The following AK7 variants were observed in gnomAD, a reference collection of about 807,000 sequenced individuals.
AK7 encodes the protein adenylate kinase 7, also known as ATP-AMP transphosphorylase 7.
A neutral mutation model predicts 96.6 loss-of-function variants in AK7; 78 were observed. That is an observed-to-expected ratio of 0.81 (90% CI 0.67 to 0.97). The LOEUF is 0.97. AK7 is among the 50% of genes least tolerant of loss of function. AK7 has a pLI of 0.00. For missense variants in AK7, 855 were observed against 887.9 expected, an observed-to-expected ratio of 0.96 and a Z score of 0.47; for synonymous variants, 302 against 317.2, an observed-to-expected ratio of 0.95 and a Z score of 0.51.
intron 10 of AK7, among the ~76,000 whole-genome samples, chr14:96,453,541 G>A (rs993213435): frequency 6.6e-6 from 1 of 152,202 alleles, no homozygotes; most frequent in South Asian, 2.1e-4. Flanking sequence ...CCTTTAGCAA[G>A]GAAAAGTCAT....
chr14:96,436,774 C>T (rs749160576), intron 5 of AK7, among the ~76,000 whole-genome samples: 6 of 152,176 alleles, frequency 3.9e-5, no homozygotes, highest in Non-Finnish European at 7.3e-5. Context: ...AGCTTGGCCC[C>T]TCCTCCTTCC....
At position 96,468,065 on chromosome 14, in the gene AK7, C is replaced by T. The variant is rs1054151116; in HGVS notation, c.1358-3413C>T. On this transcript the variant is annotated intron_variant, in intron 12 of 17. Transcript: ENST00000267584. ...CAGCCTGGGTGGCATAGCAAGACCC[C>T]GTCTCTACAAAAAAAAAAAAAAAAA... 7.2e-5 allele frequency among the ~76,000 whole-genome samples: 9 copies of T among 124,308 alleles called. No individual in the cohort carries two copies. In the South Asian group the frequency reaches 1.4e-3, roughly 19 times the overall value. The allele number at this position is 124,308 out of a possible 152,430, so 81.6% of individuals were successfully genotyped here. A position where few individuals can be genotyped will look rare whatever the true frequency, so the allele number is the denominator to read the frequency against.
rs756137759 is a variant in AK7 at position 96,411,725 on chromosome 14, G to A, written c.498+2784G>A. ...GTATAGATACAACAAGACCGATTAC[G>A]CAAAACAAACAAGTTTGTCCCCAAC... On this transcript the variant is annotated intron_variant, in intron 4 of 17. Coordinates refer to ENST00000267584, the MANE Select transcript of AK7 (RefSeq NM_152327.5). Among the ~76,000 whole-genome samples, 8 of 152,134 alleles carry A rather than the reference G, an allele frequency of 5.3e-5. No individual in the cohort carries two copies. The East Asian group carries it at 5.8e-4, about 11-fold the overall frequency.
intron 11 of AK7, 106 bp from the exon 12 acceptor site, chr14:96,457,977 G>A: frequency 1.3e-6 from 2 of 1,514,628 alleles, no homozygotes; most frequent in Non-Finnish European, 1.8e-6. Context: ...TAGGGTACCT[G>A]TCCTATTTGG....
rs891945247 is a variant in AK7 at position 96,456,261 on chromosome 14, A to G, written c.1099-86A>G. 7 of 783,206 alleles carry G rather than the reference A, an allele frequency of 8.9e-6. 1 individual carries two copies. The highest frequency in any genetic ancestry group is 3.9e-5 in the Admixed American group (1 of 25,672). 48.5% of individuals were successfully genotyped at this position (783,206 alleles called of 1,614,324 possible). ...CTCAAAAAAAAAAAAAAAAAAAAAAAGCACTCCCCTGAAATAAAAAACCAC... is the reference window on the plus strand; with the variant it reads ...CTCAAAAAAAAAAAAAAAAAAAAAAGGCACTCCCCTGAAATAAAAAACCAC... On this transcript the variant is annotated intron_variant, in intron 10 of 17. Transcript: ENST00000267584.
rs74614718 is a variant in AK7 at position 96,413,152 on chromosome 14, G to A, written c.498+4211G>A. Among the ~76,000 whole-genome samples the A allele has an allele frequency of 4.2e-3, 634 of 152,280 alleles. 4 individuals are homozygous for A. Among genetic ancestry groups the A allele is most frequent in the Non-Finnish European group, 5.6e-3 (381 of 68,030 alleles). On this transcript the variant is annotated intron_variant, in intron 4 of 17. Transcript: ENST00000267584. ...CTGGGATAGGCTGGAACCTATTGTT[G>A]ATGCTACAGAGCCAAGATCTGTTCA...
At chr14:96,461,895 T>C (rs1272229440) in intron 12 of AK7, among the ~76,000 whole-genome samples, 1 of 152,198 alleles carries the variant, frequency 6.6e-6, no homozygotes, top group African/African-American at 2.4e-5. Context: ...CAAGCATTAT[T>C]TATTGACAAA....
At chr14:96,443,415 C>G (rs1439181738) in intron 7 of AK7, among the ~76,000 whole-genome samples, 1 of 152,146 alleles carries the variant, frequency 6.6e-6, no homozygotes, top group African/African-American at 2.4e-5. Flanking sequence ...TTCTGTCACC[C>G]CTGTGGCACA....
intron 3 of AK7, among the ~76,000 whole-genome samples, chr14:96,407,176 T>A (rs1240961931): frequency 6.6e-6 from 1 of 152,074 alleles, no homozygotes; most frequent in Non-Finnish European, 1.5e-5. Flanking sequence ...CTGTTATAAA[T>A]ATCATAAATA....
At chr14:96,446,457 A>G in intron 7 of AK7, 60 bp from the exon 8 acceptor site, 1 of 1,441,054 alleles carries the variant, frequency 6.9e-7, no homozygotes, top group Non-Finnish European at 9.8e-7. Context: ...AGTGAATTCT[A>G]GTTTACTGCA....
intron 16 of AK7, among the ~76,000 whole-genome samples, chr14:96,486,156 A>G (rs1895761272): frequency 6.6e-6 from 1 of 152,144 alleles, no homozygotes; most frequent in African/African-American, 2.4e-5. Context: ...GAAAACCAGA[A>G]AAGTCCAGGG....
chr14:96,392,603 C>T (rs1889817446), intron 1 of AK7, among the ~76,000 whole-genome samples: 1 of 152,226 alleles, frequency 6.6e-6, no homozygotes, highest in Non-Finnish European at 1.5e-5. Context: ...CTCTTGCCCC[C>T]TCCTAGGTTC....
intron 3 of AK7, among the ~76,000 whole-genome samples, chr14:96,405,667 A>G (rs1464019421): frequency 6.6e-6 from 1 of 152,230 alleles, no homozygotes; most frequent in Admixed American, 6.5e-5. Context: ...TGCGCTCACA[A>G]GGAAGTTGTG....
intron 1 of AK7, among the ~76,000 whole-genome samples, chr14:96,395,008 AAACTCTGCACAT>A (rs1414378072): frequency 6.6e-6 from 1 of 152,160 alleles, no homozygotes; most frequent in East Asian, 1.9e-4. Flanking sequence ...AAGACAGTCG[AAACTCTGCACAT>A]AACTCTTATT....
At chr14:96,448,716 G>A (rs564277973) in intron 8 of AK7, among the ~76,000 whole-genome samples, 17 of 151,148 alleles carry the variant, frequency 1.1e-4, no homozygotes, top group East Asian at 5.8e-4. Flanking sequence ...AGCACTTTGG[G>A]AGGCCCAGGC....
At chr14:96,427,918 A>G (rs558994325) in intron 5 of AK7, among the ~76,000 whole-genome samples, 1 of 152,330 alleles carries the variant, frequency 6.6e-6, no homozygotes, top group Non-Finnish European at 1.5e-5. Flanking sequence ...ATAAAAATTA[A>G]AGGGATAATT....
At chr14:96,416,769 G>A (rs1891372169) in intron 4 of AK7, among the ~76,000 whole-genome samples, 1 of 152,116 alleles carries the variant, frequency 6.6e-6, no homozygotes, top group South Asian at 2.1e-4. Context: ...GAAATTTAAG[G>A]ACTAAAGGGA....
intron 12 of AK7, among the ~76,000 whole-genome samples, chr14:96,466,758 G>A (rs979144724): frequency 6.6e-6 from 1 of 152,096 alleles, no homozygotes; most frequent in South Asian, 2.1e-4. Flanking sequence ...CGGCCGGAGA[G>A]AGTTGCCCAT....
At chr14:96,408,231 G>A (rs1890837153) in intron 3 of AK7, among the ~76,000 whole-genome samples, 1 of 152,134 alleles carries the variant, frequency 6.6e-6, no homozygotes, top group Non-Finnish European at 1.5e-5. Context: ...TCTGATGTGG[G>A]GCCTCTGCTG....
Sources: allele counts gnomAD v4.1 joint callset (sites outside exome capture counted in the v4.1 genomes callset), GRCh38; gene constraint gnomAD v4.1.1; transcripts MANE v1.5; gene names NCBI Gene and HGNC (gene_info 2026-07-23, HGNC 2026-07-21).